Variants in CASD1 observed in about 807,000 individuals in gnomAD.
CASD1 encodes N-acetylneuraminate (7)9-O-acetyltransferase.
Under a neutral mutation model 100.0 loss-of-function variants are expected in CASD1, and 41 were observed. The observed-to-expected ratio is 0.41, with a 90% CI of 0.32 to 0.53. The LOEUF (loss-of-function observed/expected upper bound fraction) is 0.53. CASD1 is among the 20% of genes least tolerant of loss of function. CASD1 has a pLI of 0.25. For synonymous variants in CASD1, 321 were observed against 315.6 expected (o/e 1.02, Z -0.18); for missense variants, 774 against 948.7 (o/e 0.82, Z 2.42).
the CASD1 span, among the ~76,000 whole-genome samples, chr7:94,613,222 C>T: frequency 4.6e-5 from 7 of 152,260 alleles, no homozygotes; most frequent in Non-Finnish European, 1.0e-4. Context: ...TGTAGAATCA[C>T]TAAGTTTGAA....
chr7:94,592,743 C>T, the CASD1 span, among the ~76,000 whole-genome samples: 10 of 151,920 alleles, frequency 6.6e-5, no homozygotes, highest in Non-Finnish European at 1.0e-4. Context: ...TACCCTATAC[C>T]GTAATTCTGT....
intron 1 of CASD1, among the ~76,000 whole-genome samples, chr7:94,513,255 G>A (rs940519170): frequency 1.3e-5 from 2 of 148,982 alleles, no homozygotes; most frequent in Admixed American, 6.7e-5. Context: ...GAACCCAGGA[G>A]GCAGAGGTTG....
chr7:94,610,985 A>C, the CASD1 span, among the ~76,000 whole-genome samples: 2 of 152,182 alleles, frequency 1.3e-5, no homozygotes, highest in Non-Finnish European at 1.5e-5. Flanking sequence ...TATAATCAAA[A>C]AGGCAGATAA....
chr7:94,564,281 G>T, the CASD1 span, among the ~76,000 whole-genome samples: 1 of 152,176 alleles, frequency 6.6e-6, no homozygotes, highest in Non-Finnish European at 1.5e-5. Context: ...TGAGCTTGTT[G>T]TAGTGTACTG....
the CASD1 span, among the ~76,000 whole-genome samples, chr7:94,610,178 C>T: frequency 1.1e-4 from 16 of 152,272 alleles, no homozygotes; most frequent in African/African-American, 3.1e-4. Context: ...ACAGTAAAAA[C>T]ATCAATGATT....
At chr7:94,628,984 T>C in the CASD1 span, 2 of 152,770 alleles carry the variant, frequency 1.3e-5, no homozygotes, top group East Asian at 1.9e-4. Context: ...GCTAACTATA[T>C]TGTGGAAGAG....
chr7:94,524,904 A>G (rs1054610826), intron 3 of CASD1, among the ~76,000 whole-genome samples: 4 of 152,182 alleles, frequency 2.6e-5, no homozygotes, highest in African/African-American at 9.6e-5. Context: ...AGATTAAAAT[A>G]TAAGAGCTAT....
chr7:94,562,515 G>T, the CASD1 span, among the ~76,000 whole-genome samples: 1 of 152,102 alleles, frequency 6.6e-6, no homozygotes, highest in Non-Finnish European at 1.5e-5. Flanking sequence ...AGTTGCTCAC[G>T]AAATGTCCCT....
chr7:94,519,566 A>G (rs1304312970), intron 3 of CASD1, among the ~76,000 whole-genome samples: 1 of 152,210 alleles, frequency 6.6e-6, no homozygotes, highest in South Asian at 2.1e-4. Context: ...TGTATTTTCC[A>G]TTTGCATTTA....
At chr7:94,621,643 T>G in the CASD1 span, 1 of 152,306 alleles carries the variant, frequency 6.6e-6, no homozygotes, top group African/African-American at 2.4e-5. Context: ...TTTGAGAGCA[T>G]AATGGTGAGG....
At chr7:94,559,324 GTATA>G (rs35592417), downstream of CASD1, among the ~76,000 whole-genome samples, 5 of 128,314 alleles carry the variant, frequency 3.9e-5, no homozygotes, top group East Asian at 3.2e-4. Context: ...GTGTGTGTGT[GTATA>G]TATATATGTA....
the CASD1 span, among the ~76,000 whole-genome samples, chr7:94,578,916 A>G: frequency 7.2e-5 from 11 of 152,264 alleles, no homozygotes; most frequent in East Asian, 2.1e-3. Context: ...TTTTCTCTTT[A>G]GATAGACCTA....
chr7:94,584,666 G>T, the CASD1 span, among the ~76,000 whole-genome samples: 1 of 152,162 alleles, frequency 6.6e-6, no homozygotes, highest in Non-Finnish European at 1.5e-5. Flanking sequence ...AGTCTGCAAG[G>T]AAAGCTGTCC....
the CASD1 span, among the ~76,000 whole-genome samples, chr7:94,579,281 C>G: frequency 6.6e-6 from 1 of 150,406 alleles, no homozygotes; most frequent in Admixed American, 6.6e-5. Context: ...CTCAATCTTT[C>G]TTCATTGTCC....
the CASD1 span, chr7:94,619,018 A>G: frequency 8.2e-7 from 1 of 1,224,136 alleles, no homozygotes; most frequent in Admixed American, 1.7e-5. Context: ...AAAGGAAACA[A>G]AAGAACAATT....
chr7:94,619,126 A>G, the CASD1 span: 1 of 619,876 alleles, frequency 1.6e-6, no homozygotes, highest in East Asian at 2.8e-5. Flanking sequence ...ATCTAAAAAC[A>G]TAACTGACAT....
intron 3 of CASD1, among the ~76,000 whole-genome samples, chr7:94,521,741 T>C (rs1794286896): frequency 1.3e-5 from 2 of 152,204 alleles, no homozygotes; most frequent in South Asian, 2.1e-4. Flanking sequence ...TTGCATATAT[T>C]ATCCATATAT....
chr7:94,607,001 A>T, the CASD1 span, among the ~76,000 whole-genome samples: 1 of 152,162 alleles, frequency 6.6e-6, no homozygotes, highest in Non-Finnish European at 1.5e-5. Flanking sequence ...GAATGCATAC[A>T]TTAGAAAAGA....
At chr7:94,580,837 A>G in the CASD1 span, among the ~76,000 whole-genome samples, 3 of 152,228 alleles carry the variant, frequency 2.0e-5, no homozygotes, top group Admixed American at 6.5e-5. Context: ...CAAATAAACT[A>G]TATTTTCTGT....
Sources: allele counts gnomAD v4.1 joint callset (sites outside exome capture counted in the v4.1 genomes callset), GRCh38; gene constraint gnomAD v4.1.1; transcripts MANE v1.5; gene names NCBI Gene and HGNC (gene_info 2026-07-23, HGNC 2026-07-21).